The following NKX2-2 variants were observed in gnomAD, a reference collection of about 807,000 sequenced individuals.
NKX2-2 encodes the protein NK2 homeobox 2.
NKX2-2 carries 8 observed loss-of-function variants against 24.6 expected under a neutral mutation model. The ratio of observed to expected loss-of-function variants is 0.32; its 90% CI spans 0.19 to 0.59. The LOEUF is 0.59. NKX2-2 is among the 20% of genes least tolerant of loss of function. NKX2-2 has a pLI of 0.86. For synonymous variants in NKX2-2, 217 were observed against 173.3 expected (o/e 1.25, Z -1.98); for missense variants, 381 against 373.9 (o/e 1.02, Z -0.16).
At chr20:21,512,556 C>G in intron 1 of NKX2-2, 71 bp from the exon 2 acceptor site, 1 of 1,192,468 alleles carries the variant, frequency 8.4e-7, no homozygotes, top group Admixed American at 2.7e-5. Context: ...AGACTCGGAG[C>G]ACCCTGGATC....
chr20:21,513,363 C>T lies in NKX2-2; in HGVS notation c.259+48G>A. 6.8e-7 allele frequency: 1 copy of T among 1,480,644 alleles called. No individual in the cohort carries two copies. The highest frequency in any genetic ancestry group is 9.0e-7 in the Non-Finnish European group (1 of 1,114,970). 91.7% of individuals were successfully genotyped at this position (1,480,644 alleles called of 1,614,324 possible). A position where few individuals can be genotyped will look rare whatever the true frequency, so the allele number is the denominator to read the frequency against. ...CAGCGTCCAACCCGGGCTGCGGCTG[C>T]AGGAATGGAGGGGACCACGGCCTCG... On this transcript the variant is annotated intron_variant, in intron 1 of 1. Coordinates refer to ENST00000377142, the MANE Select transcript of NKX2-2 (RefSeq NM_002509.4). This position sits in a 1 kb window ranked among gnomAD's most constrained non-coding sequence, Gnocchi z 4.6.
intron 1 of NKX2-2, 26 bp from the exon 2 acceptor site, chr20:21,512,511 C>A (rs772448677): frequency 1.3e-6 from 2 of 1,500,956 alleles, no homozygotes; most frequent in Non-Finnish European, 1.8e-6. Flanking sequence ...GAGAGAAGCG[C>A]GTCAGGCGTC....
intron 1 of NKX2-2, 103 bp from the exon 2 acceptor site, chr20:21,512,588 C>G: frequency 4.5e-6 from 4 of 896,020 alleles, no homozygotes; most frequent in Non-Finnish European, 6.6e-6. Flanking sequence ...CCTGGACCTC[C>G]GCGCCTGGCA....
rs745877986 is a variant in NKX2-2 at position 21,513,508 on chromosome 20, G to T, written c.162C>A (p.Asp54Glu). The T allele has an allele frequency of 6.2e-7, 1 of 1,612,186 alleles. No homozygotes were observed. The highest frequency in any genetic ancestry group is 1.1e-5 in the South Asian group (1 of 90,722). The change falls in exon 1 of 2, where the codon GAC becomes GAA. Residue 54 changes from aspartate (D) to glutamate (E), a missense_variant. This residue lies in a region of NKX2-2 where 206 missense variants were observed against 173.1 expected (regional missense o/e 1.19). Transcript: ENST00000377142. This position sits in a 1 kb window ranked among gnomAD's most constrained non-coding sequence, Gnocchi z 4.6. ...RAGPLGQGAL[D>E]AVQSLPLKNP... is the part of the protein sequence containing the mutation. ...TCTTCAGGGGCAGGCTCTGCACCGC[G>T]TCCAGGGCGCCCTGCCCCAGCGGCC...
chr20:21,517,552 G>A (rs1230359872), upstream of NKX2-2, among the ~76,000 whole-genome samples: 1 of 152,212 alleles, frequency 6.6e-6, no homozygotes, highest in Non-Finnish European at 1.5e-5. Context: ...TTGAAGGGGA[G>A]AAACTGGGCT....
Position 21,511,593 on chromosome 20 carries a change from G to A in NKX2-2, c.*330C>T, listed in dbSNP as rs904183896. The A allele has an allele frequency of 4.4e-4, 106 of 238,304 alleles. No individual in the cohort carries two copies. Among genetic ancestry groups the A allele is most frequent in the African/African-American group, 2.3e-3 (104 of 44,694 alleles). The allele number at this position is 238,304 out of a possible 1,614,324, so 14.8% of individuals were successfully genotyped here. A position where few individuals can be genotyped will look rare whatever the true frequency, so the allele number is the denominator to read the frequency against. ...GTCGGTCTTTTTCTCGTTTTCAAGT[G>A]ACGACATTAACGCTGGGACGGTTTG... On this transcript the variant is annotated 3_prime_UTR_variant, in exon 2 of 2. Coordinates refer to ENST00000377142, the MANE Select transcript of NKX2-2 (RefSeq NM_002509.4).
In NKX2-2 at chr20:21,511,811, A is replaced by G; in HGVS notation, c.*112T>C. On this transcript the variant is annotated 3_prime_UTR_variant, in exon 2 of 2. Coordinates refer to ENST00000377142, the MANE Select transcript of NKX2-2 (RefSeq NM_002509.4). ...GAGCCGAGAGTCAACTCGACTCCATAATAATAATTATAATAATAATAATAA... is the reference window on the plus strand; with the variant it reads ...GAGCCGAGAGTCAACTCGACTCCATGATAATAATTATAATAATAATAATAA... 1 of 806,194 alleles carries G rather than the reference A, an allele frequency of 1.2e-6. No homozygotes were observed. The highest frequency in any genetic ancestry group is 1.8e-6 in the Non-Finnish European group (1 of 556,538). The allele number at this position is 806,194 out of a possible 1,614,324, so 49.9% of individuals were successfully genotyped here.
Position 21,512,049 on chromosome 20 carries a change from A to G in NKX2-2, c.696T>C (p.Ile232=), listed in dbSNP as rs1218533279. ...ACTGCGCGCTGTAGGCAGAAAAGGG[A>G]ATGCCCGCCTGGAAGGTGGCGGCTG... The part of the protein sequence containing the change: ...DLAAATFQAG[I]PFSAYSAQSL... Residue 232 remains isoleucine (I), a synonymous_variant, in exon 2 of 2, where the codon ATT becomes ATC. Coordinates refer to ENST00000377142, the MANE Select transcript of NKX2-2 (RefSeq NM_002509.4). 2 of 1,613,600 alleles carry G rather than the reference A, an allele frequency of 1.2e-6. No homozygotes were observed. The highest frequency in any genetic ancestry group is 2.7e-5 in the African/African-American group (2 of 74,916).
chr20:21,514,880 G>GC (rs1980580771), upstream of NKX2-2, among the ~76,000 whole-genome samples: 1 of 152,164 alleles, frequency 6.6e-6, no homozygotes, highest in Non-Finnish European at 1.5e-5. Flanking sequence ...CTCCGGGCCG[G>GC]CCAGAGCCAC....
rs978359067 is a variant in NKX2-2 at position 21,513,341 on chromosome 20, C to G, written c.259+70G>C. On this transcript the variant is annotated intron_variant, in intron 1 of 1. Coordinates refer to ENST00000377142, the MANE Select transcript of NKX2-2 (RefSeq NM_002509.4). The surrounding 1 kb of genome is among the most constrained non-coding windows in gnomAD (Gnocchi z 4.6). ...TGGCCCCTTCCCCTTTCACTCCCAGCGTCCAACCCGGGCTGCGGCTGCAGG... is the reference window on the plus strand; with the variant it reads ...TGGCCCCTTCCCCTTTCACTCCCAGGGTCCAACCCGGGCTGCGGCTGCAGG... 4 of 1,459,954 alleles carry G rather than the reference C, an allele frequency of 2.7e-6. No individual in the cohort carries two copies. The highest frequency in any genetic ancestry group is 3.6e-6 in the Non-Finnish European group (4 of 1,101,376). The allele number at this position is 1,459,954 out of a possible 1,614,324, so 90.4% of individuals were successfully genotyped here. A position where few individuals can be genotyped will look rare whatever the true frequency, so the allele number is the denominator to read the frequency against.
chr20:21,522,009 G>C, the NKX2-2 span, among the ~76,000 whole-genome samples: 1 of 152,158 alleles, frequency 6.6e-6, no homozygotes, highest in African/African-American at 2.4e-5. Flanking sequence ...TCCCAGCCCC[G>C]CACCTTCCCA....
chr20:21,513,392 G>A lies in NKX2-2; in HGVS notation c.259+19C>T, dbSNP rs1372365296. On this transcript the variant is annotated intron_variant, in intron 1 of 1. Coordinates refer to ENST00000377142, the MANE Select transcript of NKX2-2 (RefSeq NM_002509.4). The surrounding 1 kb of genome is among the most constrained non-coding windows in gnomAD (Gnocchi z 4.6). ...AATGGAGGGGACCACGGCCTCGGCA[G>A]CCAAGTTTTGCTACTTACGGGAGTA... 2 of 1,512,430 alleles carry A rather than the reference G, an allele frequency of 1.3e-6. No individual in the cohort carries two copies. The highest frequency in any genetic ancestry group is 1.8e-6 in the Non-Finnish European group (2 of 1,128,820). The allele number at this position is 1,512,430 out of a possible 1,614,324, so 93.7% of individuals were successfully genotyped here. A position where few individuals can be genotyped will look rare whatever the true frequency, so the allele number is the denominator to read the frequency against.
intron 1 of NKX2-2, among the ~76,000 whole-genome samples, 158 bp from the exon 2 acceptor site, chr20:21,512,643 C>G (rs1385599129): frequency 2.0e-5 from 3 of 152,148 alleles, no homozygotes; most frequent in African/African-American, 7.2e-5. Context: ...TTCCTCTACG[C>G]CTGACGAAGA....
At chr20:21,516,524 C>A (rs1417001209), upstream of NKX2-2, among the ~76,000 whole-genome samples, 1 of 151,914 alleles carries the variant, frequency 6.6e-6, no homozygotes, top group Admixed American at 6.6e-5. Flanking sequence ...GGGGAAGCGT[C>A]GAGTTTGGAT....
the NKX2-2 span, among the ~76,000 whole-genome samples, chr20:21,520,347 C>A: frequency 6.6e-6 from 1 of 152,152 alleles, no homozygotes; most frequent in Non-Finnish European, 1.5e-5. Flanking sequence ...ACAACACTTT[C>A]CCAATTATCT....
chr20:21,513,318 G>T lies in NKX2-2; in HGVS notation c.259+93C>A. On this transcript the variant is annotated intron_variant, in intron 1 of 1. Coordinates refer to ENST00000377142, the MANE Select transcript of NKX2-2 (RefSeq NM_002509.4). The surrounding 1 kb of genome is among the most constrained non-coding windows in gnomAD (Gnocchi z 4.6). ...GAGTGAGGGGGTCCGGGCTTACATG[G>T]CCCCTTCCCCTTTCACTCCCAGCGT... is the stretch of plus-strand genomic sequence containing the variant. 7.3e-7 allele frequency: 1 copy of T among 1,363,824 alleles called. No individual in the cohort carries two copies. Among genetic ancestry groups the T allele is most frequent in the Non-Finnish European group, 9.8e-7 (1 of 1,020,386 alleles). 84.5% of individuals were successfully genotyped at this position (1,363,824 alleles called of 1,614,324 possible). A position where few individuals can be genotyped will look rare whatever the true frequency, so the allele number is the denominator to read the frequency against.
In NKX2-2 at chr20:21,511,330, C is replaced by T. The variant is rs1289162514; in HGVS notation, c.*593G>A. On this transcript the variant is annotated 3_prime_UTR_variant, in exon 2 of 2. Transcript: ENST00000377142. ...GGACCCAGACGGGAAACAGGCCGGTCCTGAAGGTCATTTTGGCAACAATCA... is the reference window on the plus strand; with the variant it reads ...GGACCCAGACGGGAAACAGGCCGGTTCTGAAGGTCATTTTGGCAACAATCA... 6.6e-6 allele frequency: 1 copy of T among 152,550 alleles called. No homozygotes were observed. Among genetic ancestry groups the T allele is most frequent in the Non-Finnish European group, 1.5e-5 (1 of 68,034 alleles). The allele number at this position is 152,550 out of a possible 1,614,324, so 9.4% of individuals were successfully genotyped here.
the NKX2-2 span, among the ~76,000 whole-genome samples, chr20:21,521,737 G>A: frequency 6.6e-6 from 1 of 152,264 alleles, no homozygotes; most frequent in South Asian, 2.1e-4. Context: ...TCCTCACCGC[G>A]GCCCCGCCAG....
rs201916405 is a variant in NKX2-2, at chr20:21,511,882, G to A, written c.*41C>T. 78 of 1,493,574 alleles carry A rather than the reference G, an allele frequency of 5.2e-5. 1 individual carries two copies. The East Asian group carries it at 1.5e-3, about 29-fold the overall frequency. 92.5% of individuals were successfully genotyped at this position (1,493,574 alleles called of 1,614,324 possible). A position where few individuals can be genotyped will look rare whatever the true frequency, so the allele number is the denominator to read the frequency against. On this transcript the variant is annotated 3_prime_UTR_variant, in exon 2 of 2. Transcript: ENST00000377142. The stretch of plus-strand genomic sequence containing the variant: ...TCCTCGCCGCCACCGCCGCCGGGGT[G>A]GGGCCTGGGCCTGGGGCCGCGAGTC...
Sources: allele counts gnomAD v4.1 joint callset (sites outside exome capture counted in the v4.1 genomes callset), GRCh38; gene constraint gnomAD v4.1.1; regional missense constraint gnomAD v4.1.1; non-coding constraint Gnocchi (gnomAD v3.1); transcripts MANE v1.5; gene names NCBI Gene and HGNC (gene_info 2026-07-23, HGNC 2026-07-21).